The following DACH2 variants were observed in gnomAD, a reference collection of about 807,000 sequenced individuals.
DACH2 encodes the protein dachshund homolog 2.
A neutral mutation model predicts 35.8 loss-of-function variants in DACH2; 17 were observed. That is an observed-to-expected ratio of 0.48 (90% CI 0.33 to 0.71). The LOEUF is 0.71. Among genes scored for constraint, DACH2 ranks in the 30% least tolerant of loss-of-function variants. The pLI, the probability that DACH2 is intolerant of heterozygous loss-of-function variation, is 0.02. For synonymous variants in DACH2, 195 were observed against 177.3 expected, an observed-to-expected ratio of 1.10 and a Z score of -0.79; for missense variants, 469 against 472.7, an observed-to-expected ratio of 0.99 and a Z score of 0.07.
At chrX:86,496,861 G>A (rs2038179677) in intron 2 of DACH2, among the ~76,000 whole-genome samples, 3 of 111,353 alleles carry the variant, frequency 2.7e-5, no homozygotes, top group Admixed American at 1.9e-4. Flanking sequence ...CTTGCAAAGA[G>A]GATTGCATGG....
At chrX:86,438,699 C>T (rs2037110983) in intron 2 of DACH2, among the ~76,000 whole-genome samples, 1 of 111,970 alleles carries the variant, frequency 8.9e-6, no homozygotes, top group African/African-American at 3.2e-5. Context: ...TATTTATATT[C>T]CTTTGGGTAT....
chrX:86,149,143 T>C (rs886145815), intron 1 of DACH2, 35 bp downstream of exon 1: 2 of 1,153,996 alleles, frequency 1.7e-6, no homozygotes, highest in Non-Finnish European at 2.3e-6. Flanking sequence ...CCCACTTCTC[T>C]TACCCCTTTG....
At chrX:86,155,173 A>C (rs2147858008) in intron 1 of DACH2, among the ~76,000 whole-genome samples, 1 of 110,731 alleles carries the variant, frequency 9.0e-6, no homozygotes, top group Non-Finnish European at 1.9e-5. Context: ...TTAGTTTTTA[A>C]ATCCTTACTA....
intron 2 of DACH2, among the ~76,000 whole-genome samples, chrX:86,465,873 G>T (rs2037657684): frequency 9.0e-6 from 1 of 111,432 alleles, no homozygotes; most frequent in South Asian, 3.8e-4. Flanking sequence ...CTATTTTTTG[G>T]CAAGAAGATT....
chrX:86,422,476 A>G (rs749210899), intron 2 of DACH2, among the ~76,000 whole-genome samples: 1 of 110,851 alleles, frequency 9.0e-6, no homozygotes, highest in African/African-American at 3.3e-5. Context: ...TCTCTCATAC[A>G]TGAAAATCAC....
At chrX:86,394,752 A>G (rs1488752393) in intron 2 of DACH2, among the ~76,000 whole-genome samples, 2 of 111,702 alleles carry the variant, frequency 1.8e-5, no homozygotes, top group African/African-American at 3.2e-5. Flanking sequence ...TTCCTTTAAG[A>G]TATAATATAT....
In DACH2 at chrX:86,180,175, C is replaced by CATATATATATATATATATAT. The variant is rs1569292909; in HGVS notation, c.488+31067_488+31068insATATATATATATATATATAT. Among the ~76,000 whole-genome samples the CATATATATATATATATATAT allele has an allele frequency of 2.4e-3, 37 of 15,570 alleles. 2 individuals are homozygous for CATATATATATATATATATAT. Among genetic ancestry groups the CATATATATATATATATATAT allele is most frequent in the African/African-American group, 7.5e-3 (31 of 4,147 alleles). The allele number at this position is 15,570 out of a possible 115,157, so 13.5% of individuals were successfully genotyped here. A position where few individuals can be genotyped will look rare whatever the true frequency, so the allele number is the denominator to read the frequency against. On this transcript the variant is annotated intron_variant, in intron 1 of 11. Coordinates refer to ENST00000373125, the MANE Select transcript of DACH2 (RefSeq NM_053281.3). ...ATGTCCCCTAGCAACCATGCTAAAC[C>CATATATATATATATATATAT]GTATATATATATATATATATATATA... is the stretch of plus-strand genomic sequence containing the variant.
At chrX:86,598,705 C>T (rs908419525) in intron 3 of DACH2, among the ~76,000 whole-genome samples, 2 of 110,490 alleles carry the variant, frequency 1.8e-5, no homozygotes, top group Non-Finnish European at 3.8e-5. Context: ...TCTAAAATCT[C>T]CATTGTATTT....
chrX:86,779,736 CA>C (rs915648470), intron 7 of DACH2, among the ~76,000 whole-genome samples: 2 of 111,608 alleles, frequency 1.8e-5, no homozygotes, highest in African/African-American at 6.5e-5. Context: ...AATGTAGAGA[CA>C]AAACAGTTTA....
Position 86,628,735 on chromosome X carries a change from C to T in DACH2, c.641-22301C>T, listed in dbSNP as rs191179960. On this transcript the variant is annotated intron_variant, in intron 3 of 11. Transcript: ENST00000373125. ...ACAGAGCATGACACTGGTTGAGAAT[C>T]ACTATTCTGAAGAGTGGAGAATTGA... Among the ~76,000 whole-genome samples, 11 of 111,919 alleles carry T rather than the reference C, an allele frequency of 9.8e-5. 1 individual carries two copies. In the East Asian group the frequency reaches 3.1e-3, roughly 32 times the overall value.
chrX:86,529,651 T>A (rs2038684796), intron 3 of DACH2, among the ~76,000 whole-genome samples: 1 of 108,717 alleles, frequency 9.2e-6, no homozygotes, highest in South Asian at 4.1e-4. Flanking sequence ...TTTTTGTATT[T>A]TTAGTAGAGA....
intron 2 of DACH2, among the ~76,000 whole-genome samples, chrX:86,446,442 C>A (rs2037280593): frequency 1.7e-5 from 1 of 59,447 alleles, no homozygotes; most frequent in African/African-American, 6.6e-5. Flanking sequence ...TATCCCTCCC[C>A]CCTCCCCCGA....
intron 1 of DACH2, among the ~76,000 whole-genome samples, chrX:86,159,641 C>T (rs781480045): frequency 1.1e-3 from 124 of 111,786 alleles, no homozygotes; most frequent in Non-Finnish European, 1.9e-3. Context: ...TTAGTAAGCA[C>T]CTACTATGTG....
At chrX:86,679,630 G>C (rs896799992) in intron 4 of DACH2, among the ~76,000 whole-genome samples, 3 of 106,564 alleles carry the variant, frequency 2.8e-5, no homozygotes, top group South Asian at 4.2e-4. Flanking sequence ...GTGTGTGTGT[G>C]TGTGTGTGTG....
intron 1 of DACH2, among the ~76,000 whole-genome samples, chrX:86,197,671 G>A (rs947525344): frequency 3.6e-5 from 4 of 111,241 alleles, no homozygotes; most frequent in African/African-American, 1.3e-4. Flanking sequence ...ACAAAAAAAA[G>A]AGAGCATTAC....
intron 1 of DACH2, among the ~76,000 whole-genome samples, chrX:86,344,468 T>C (rs1443841867): frequency 4.6e-5 from 5 of 109,633 alleles, no homozygotes; most frequent in African/African-American, 1.7e-4. Flanking sequence ...GTTTACTTTT[T>C]TGTTGTTTCT....
chrX:86,568,337 C>T (rs1187566844), intron 3 of DACH2, among the ~76,000 whole-genome samples: 1 of 111,122 alleles, frequency 9.0e-6, no homozygotes, highest in Non-Finnish European at 1.9e-5. Flanking sequence ...GTAACAAATG[C>T]ACCACTCTGG....
At chrX:86,220,301 C>T (rs1167757183) in intron 1 of DACH2, among the ~76,000 whole-genome samples, 1 of 111,263 alleles carries the variant, frequency 9.0e-6, no homozygotes, top group African/African-American at 3.3e-5. Context: ...ACTATAGGCA[C>T]TATGTGGTAC....
chrX:86,546,394 T>TCTTCTTCTTCTTCCTCTTCTTCTTCTTC (rs2038964891), intron 3 of DACH2, among the ~76,000 whole-genome samples: 1 of 76,956 alleles, frequency 1.3e-5, no homozygotes, highest in Non-Finnish European at 2.4e-5. Context: ...TTCTTCTTCT[T>TCTTCTTCTTCTTCCTCTTCTTCTTCTTC]CTTCTTCTTC....
Sources: allele counts gnomAD v4.1 joint callset (sites outside exome capture counted in the v4.1 genomes callset), GRCh38; gene constraint gnomAD v4.1.1; transcripts MANE v1.5; gene names NCBI Gene and HGNC (gene_info 2026-07-23, HGNC 2026-07-21).